The following UBE2E2 variants were observed in gnomAD, a reference collection of about 807,000 sequenced individuals.
UBE2E2 encodes ubiquitin conjugating enzyme E2 E2, also known as ubiquitin-conjugating enzyme E2 E2.
Under a neutral mutation model 24.7 loss-of-function variants are expected in UBE2E2, and 6 were observed. That is an observed-to-expected ratio of 0.24 (90% CI 0.13 to 0.48). UBE2E2 has a LOEUF of 0.48. Ranked by LOEUF, UBE2E2 falls within the 20% of genes least tolerant of loss-of-function variation. The pLI is 0.99. For missense variants in UBE2E2, 169 were observed against 245.0 expected, an observed-to-expected ratio of 0.69 and a Z score of 2.07; for synonymous variants, 104 against 83.6, an observed-to-expected ratio of 1.24 and a Z score of -1.33.
At chr3:23,494,011 TA>T (rs1357545236) in intron 3 of UBE2E2, among the ~76,000 whole-genome samples, 21 of 152,204 alleles carry the variant, frequency 1.4e-4, no homozygotes, top group Non-Finnish European at 2.9e-5. Flanking sequence ...AACTAAGACA[TA>T]GAAAAATTAC....
intron 3 of UBE2E2, among the ~76,000 whole-genome samples, chr3:23,261,292 T>C (rs1697895909): frequency 6.6e-6 from 1 of 152,136 alleles, no homozygotes; most frequent in East Asian, 1.9e-4. Context: ...AGTTTTTGTT[T>C]TCCTTTTCTC....
At chr3:23,408,830 GTT>G (rs1287207909) in intron 3 of UBE2E2, among the ~76,000 whole-genome samples, 1 of 152,090 alleles carries the variant, frequency 6.6e-6, no homozygotes, top group Non-Finnish European at 1.5e-5. Flanking sequence ...TCATTTGTCA[GTT>G]TTTGTTCTTT....
intron 3 of UBE2E2, among the ~76,000 whole-genome samples, chr3:23,350,041 C>T (rs1044562280): frequency 2.0e-5 from 3 of 152,188 alleles, no homozygotes; most frequent in Non-Finnish European, 4.4e-5. Context: ...GACAAAACTT[C>T]CAAAGGAACG....
chr3:23,272,238 C>T (rs544894015), intron 3 of UBE2E2, among the ~76,000 whole-genome samples: 5 of 152,286 alleles, frequency 3.3e-5, no homozygotes, highest in South Asian at 2.1e-4. Context: ...CTGGGGGATC[C>T]GGCGCTCCCT....
chr3:23,561,150 C>G (rs1695919126), intron 5 of UBE2E2, among the ~76,000 whole-genome samples: 1 of 152,094 alleles, frequency 6.6e-6, no homozygotes, highest in African/African-American at 2.4e-5. Flanking sequence ...GACCCCCATC[C>G]CTATGTCCTG....
intron 3 of UBE2E2, among the ~76,000 whole-genome samples, chr3:23,354,323 A>G (rs1257026242): frequency 1.3e-5 from 2 of 152,310 alleles, no homozygotes; most frequent in South Asian, 2.1e-4. Flanking sequence ...GGACATAGGC[A>G]TGGGCAAGGA....
intron 3 of UBE2E2, among the ~76,000 whole-genome samples, chr3:23,392,077 T>C (rs1696950114): frequency 6.6e-6 from 1 of 152,148 alleles, no homozygotes; most frequent in Non-Finnish European, 1.5e-5. Context: ...TACCCAAGTA[T>C]TGGGTATTAG....
intron 2 of UBE2E2, among the ~76,000 whole-genome samples, chr3:23,209,585 TCATATATTTTA>T (rs1341962067): frequency 6.6e-6 from 1 of 152,224 alleles, no homozygotes; most frequent in East Asian, 1.9e-4. Context: ...TGCTTTGTTT[TCATATATTTTA>T]CATTGACCAA....
intron 5 of UBE2E2, among the ~76,000 whole-genome samples, chr3:23,538,123 T>G (rs1411333754): frequency 1.3e-5 from 2 of 152,180 alleles, no homozygotes; most frequent in Admixed American, 6.5e-5. Context: ...AAAAAAAATT[T>G]TTTTTCCTAG....
intron 4 of UBE2E2, among the ~76,000 whole-genome samples, chr3:23,519,543 T>C (rs912290806): frequency 3.3e-5 from 5 of 152,348 alleles, no homozygotes; most frequent in African/African-American, 7.2e-5. Flanking sequence ...ATTTAAGTTA[T>C]TCAAAGATTA....
intron 3 of UBE2E2, among the ~76,000 whole-genome samples, chr3:23,430,730 A>G (rs2125400183): frequency 6.6e-6 from 1 of 152,132 alleles, no homozygotes; most frequent in African/African-American, 2.4e-5. Flanking sequence ...TATGTTGCCC[A>G]GGTTGGTCTT....
chr3:23,477,053 A>G (rs921494873), intron 3 of UBE2E2, among the ~76,000 whole-genome samples: 5 of 152,174 alleles, frequency 3.3e-5, no homozygotes, highest in Non-Finnish European at 2.9e-5. Context: ...AAAATTTTAC[A>G]TTGTGAATAC....
At position 23,407,817 on chromosome 3, in the gene UBE2E2, C is replaced by T. The variant is rs1697401561; in HGVS notation, c.228-91791C>T. ...GCTTACCCTTCTGGGAAATAGTTACCAATAATATAGGAAATATAAAAAATT... is the reference window on the plus strand; with the variant it reads ...GCTTACCCTTCTGGGAAATAGTTACTAATAATATAGGAAATATAAAAAATT... On this transcript the variant is annotated intron_variant, in intron 3 of 5. Coordinates refer to ENST00000396703, the MANE Select transcript of UBE2E2 (RefSeq NM_152653.4). The surrounding 1 kb of genome is among the most constrained non-coding windows in gnomAD (Gnocchi z 4.0). Among the ~76,000 whole-genome samples the T allele has an allele frequency of 6.6e-6, 1 of 151,916 alleles. No homozygotes were observed. Among genetic ancestry groups the T allele is most frequent in the African/African-American group, 2.4e-5 (1 of 41,344 alleles).
intron 4 of UBE2E2, among the ~76,000 whole-genome samples, chr3:23,520,980 T>C (rs1389690290): frequency 6.6e-6 from 1 of 152,218 alleles, no homozygotes; most frequent in African/African-American, 2.4e-5. Flanking sequence ...TATAGTTTAC[T>C]TCTACACTTT....
chr3:23,286,360 C>T (rs1461023100), intron 3 of UBE2E2, among the ~76,000 whole-genome samples: 1 of 152,112 alleles, frequency 6.6e-6, no homozygotes, highest in Non-Finnish European at 1.5e-5. Context: ...TTTCAGTCTT[C>T]TGCATATGGA....
intron 3 of UBE2E2, among the ~76,000 whole-genome samples, chr3:23,390,269 CT>C (rs1696902699): frequency 6.6e-6 from 1 of 152,144 alleles, no homozygotes; most frequent in African/African-American, 2.4e-5. Context: ...CCCTGCCTCC[CT>C]CCCCACTTAT....
At chr3:23,345,973 G>A (rs962795423) in intron 3 of UBE2E2, among the ~76,000 whole-genome samples, 2 of 152,142 alleles carry the variant, frequency 1.3e-5, no homozygotes, top group East Asian at 3.8e-4. Flanking sequence ...GAAACTAATG[G>A]TTTTCAACTG....
chr3:23,557,307 G>A (rs1695814756), intron 5 of UBE2E2, among the ~76,000 whole-genome samples: 1 of 152,154 alleles, frequency 6.6e-6, no homozygotes, highest in African/African-American at 2.4e-5. Context: ...TGCGCATTTT[G>A]TATGATTATC....
chr3:23,397,328 A>G (rs1411757425), intron 3 of UBE2E2, among the ~76,000 whole-genome samples: 1 of 152,226 alleles, frequency 6.6e-6, no homozygotes, highest in Non-Finnish European at 1.5e-5. Flanking sequence ...GTGACTACAG[A>G]TAACTACTAA....
Sources: gnomAD v4.1 joint callset for allele counts (sites outside exome capture counted in the v4.1 genomes callset) on GRCh38, gnomAD v4.1.1 for gene constraint, Gnocchi (gnomAD v3.1) non-coding constraint, MANE v1.5 for transcripts, NCBI Gene and HGNC (gene_info 2026-07-23, HGNC 2026-07-21) for gene names.